Variants in EPB41 observed in about 807,000 individuals in gnomAD.
The protein encoded by EPB41 is erythrocyte membrane protein band 4.1, also known as protein 4.1.
A neutral mutation model predicts 108.0 loss-of-function variants in EPB41; 65 were observed. The ratio of observed to expected loss-of-function variants is 0.60; its 90% CI spans 0.49 to 0.74. The LOEUF (loss-of-function observed/expected upper bound fraction) is 0.74. Among genes scored for constraint, EPB41 ranks in the 30% least tolerant of loss-of-function variants. EPB41 has a pLI of 0.00. For synonymous variants in EPB41, 336 were observed against 358.9 expected, an observed-to-expected ratio of 0.94 and a Z score of 0.72; for missense variants, 875 against 1,037.0, an observed-to-expected ratio of 0.84 and a Z score of 2.15.
intron 1 of EPB41, among the ~76,000 whole-genome samples, chr1:28,980,977 T>G (rs1442177418): frequency 2.6e-5 from 4 of 152,116 alleles, no homozygotes; most frequent in Non-Finnish European, 5.9e-5. Flanking sequence ...TTTACCACTT[T>G]GGCCAGGCTG....
intron 1 of EPB41, among the ~76,000 whole-genome samples, chr1:28,984,435 A>T (rs1173249884): frequency 6.6e-6 from 1 of 152,190 alleles, no homozygotes; most frequent in Non-Finnish European, 1.5e-5. Context: ...TGAAACAAGA[A>T]TGTAAACTCC....
chr1:28,920,331 T>A (rs1272244580), intron 1 of EPB41, among the ~76,000 whole-genome samples: 1 of 152,218 alleles, frequency 6.6e-6, no homozygotes. Flanking sequence ...TAAGATTGGA[T>A]ATAATCTGTA....
intron 1 of EPB41, among the ~76,000 whole-genome samples, chr1:28,899,946 T>C (rs1026671883): frequency 3.3e-5 from 5 of 152,202 alleles, no homozygotes; most frequent in East Asian, 1.9e-4. Context: ...TTCAGTTTTT[T>C]CCCCTATAAC....
chr1:28,987,774 C>G lies in EPB41; in HGVS notation c.337C>G (p.Gln113Glu). Reference protein sequence around the residue: ...ESDKEKGEGGQKEIEFGTSLD... With the variant: ...ESDKEKGEGGEKEIEFGTSLD... ...AGATAAAGAAAAAGGTGAAGGAGGT[C>G]AGAAAGAGATAGAATTTGGAACCAG... Residue 113 changes from glutamine to glutamate, a missense_variant, in exon 2 of 21, where the codon CAG (glutamine) becomes GAG (glutamate). By Grantham distance (29) the Gln-to-Glu change is conservative. This residue lies in a region of EPB41 where 353 missense variants were observed against 393.2 expected (regional missense o/e 0.90). Transcript: ENST00000343067. 1 of 1,614,052 alleles carries G rather than the reference C, an allele frequency of 6.2e-7. No individual in the cohort carries two copies.
intron 2 of EPB41, chr1:28,989,472 A>T (rs767995061): frequency 3.6e-6 from 3 of 829,720 alleles, no homozygotes; most frequent in Admixed American, 6.2e-5. Context: ...GTTGGGGGGA[A>T]AAAAGTAAAA....
At chr1:28,921,795 G>A (rs927586902) in intron 1 of EPB41, among the ~76,000 whole-genome samples, 6 of 151,454 alleles carry the variant, frequency 4.0e-5, no homozygotes, top group African/African-American at 1.2e-4. Flanking sequence ...TGAGCTCTTT[G>A]TGAGGTTATT....
chr1:28,911,994 C>T (rs1202209814), upstream of EPB41, among the ~76,000 whole-genome samples: 3 of 152,080 alleles, frequency 2.0e-5, no homozygotes, highest in African/African-American at 7.2e-5. Flanking sequence ...TGAGGTGAGG[C>T]GAGATCGTGC....
At chr1:29,109,019 A>G (rs1489317392) in intron 17 of EPB41, among the ~76,000 whole-genome samples, 1 of 151,662 alleles carries the variant, frequency 6.6e-6, no homozygotes, top group Non-Finnish European at 1.5e-5. Context: ...ACCAACATGG[A>G]GAAACCCCAT....
At position 29,025,257 on chromosome 1, in the gene EPB41, T is replaced by A. The variant is rs191291866; in HGVS notation, c.1125-5143T>A. 1.2e-3 allele frequency among the ~76,000 whole-genome samples: 176 copies of A among 152,192 alleles called. 1 individual carries two copies. Among genetic ancestry groups the A allele is most frequent in the African/African-American group, 4.1e-3 (171 of 41,432 alleles). On this transcript the variant is annotated intron_variant, in intron 7 of 20. Transcript: ENST00000343067. Reference sequence around the variant, plus strand: ...AATCACAATCCTTAATTAGGAGATATAACAAACATTATTAAAAGGGAGTCA... The same window carrying A: ...AATCACAATCCTTAATTAGGAGATAAAACAAACATTATTAAAAGGGAGTCA...
intron 16 of EPB41, among the ~76,000 whole-genome samples, chr1:29,086,150 A>G (rs1290205601): frequency 6.6e-6 from 1 of 152,078 alleles, no homozygotes; most frequent in Non-Finnish European, 1.5e-5. Flanking sequence ...ATCACTTTTT[A>G]TTACCAAAGT....
chr1:29,099,411 G>C (rs538190454), intron 17 of EPB41, among the ~76,000 whole-genome samples: 1 of 151,966 alleles, frequency 6.6e-6, no homozygotes, highest in Non-Finnish European at 1.5e-5. Flanking sequence ...CTGCAGCCTA[G>C]ACCTCCCAGG....
intron 1 of EPB41, among the ~76,000 whole-genome samples, chr1:28,889,357 G>T (rs181232223): frequency 6.6e-6 from 1 of 152,206 alleles, no homozygotes; most frequent in South Asian, 2.1e-4. Context: ...TGGGTGGAGT[G>T]CCTGGGTGTA....
rs1455305535 is a variant in EPB41 at position 29,034,303 on chromosome 1, C to T, written c.1365+1058C>T. ...AACAGCAAATTAGAATCTCATCCCT[C>T]ACACACGTTAATATGAAAATGGGAA... On this transcript the variant is annotated intron_variant, in intron 9 of 20. Transcript: ENST00000343067. 6.6e-5 allele frequency among the ~76,000 whole-genome samples: 10 copies of T among 152,288 alleles called. No individual in the cohort carries two copies. The East Asian group carries it at 1.9e-3, about 29-fold the overall frequency.
intron 16 of EPB41, chr1:29,096,363 G>T (rs1035117875): frequency 1.2e-4 from 115 of 985,850 alleles, no homozygotes; most frequent in Non-Finnish European, 1.3e-4. Context: ...GGGGCAGCTG[G>T]CTATCTTGAT....
intron 4 of EPB41, among the ~76,000 whole-genome samples, chr1:29,008,527 G>A (rs2985330): frequency 0.18 from 26,854 of 152,144 alleles, 2,859 homozygotes; most frequent in East Asian, 0.47. Context: ...TGGAATTCAA[G>A]ACTGTCTGAC....
chr1:28,892,235 T>C lies in EPB41; in HGVS notation c.-8+5025T>C, dbSNP rs554455698. 5.3e-5 allele frequency among the ~76,000 whole-genome samples: 8 copies of C among 152,160 alleles called. No individual in the cohort carries two copies. In the South Asian group the frequency reaches 1.7e-3, roughly 32 times the overall value. On this transcript the variant is annotated intron_variant, in intron 1 of 16. Coordinates refer to the EPB41 transcript ENST00000347529. ...TCAGGTAGGTGGTACCCCTCACCCA[T>C]GCTGGGTCCCTCCAAAACCCATGCC...
intron 16 of EPB41, among the ~76,000 whole-genome samples, chr1:29,093,497 G>T (rs1662054396): frequency 1.3e-5 from 2 of 152,134 alleles, no homozygotes. Flanking sequence ...TCTGTAGGTT[G>T]TTTACTCTAT....
At chr1:28,987,987 G>A (rs1386742943) in intron 2 of EPB41, 82 bp downstream of exon 2, 2 of 1,456,908 alleles carry the variant, frequency 1.4e-6, no homozygotes, top group African/African-American at 2.8e-5. Flanking sequence ...TTTGGGCTGG[G>A]CGCGGTGGCT....
At chr1:29,029,937 A>G (rs2096767793) in intron 7 of EPB41, among the ~76,000 whole-genome samples, 1 of 152,172 alleles carries the variant, frequency 6.6e-6, no homozygotes, top group South Asian at 2.1e-4. Context: ...TAATTTCCAT[A>G]ACTCAATTCA....
Sources: gnomAD v4.1 joint callset for allele counts (sites outside exome capture counted in the v4.1 genomes callset) on GRCh38, gnomAD v4.1.1 for gene constraint, gnomAD v4.1.1 regional missense constraint, MANE v1.5 for transcripts, NCBI Gene and HGNC (gene_info 2026-07-23, HGNC 2026-07-21) for gene names.